Variants in DOK6 observed in about 807,000 individuals in gnomAD.
The protein encoded by DOK6 is downstream of tyrosine kinase 6.
DOK6 carries 22 observed loss-of-function variants against 44.0 expected under a neutral mutation model. That is an observed-to-expected ratio of 0.50 (90% confidence interval 0.36 to 0.71). The LOEUF is 0.71. Ranked by LOEUF, DOK6 falls within the 30% of genes least tolerant of loss-of-function variation. DOK6 has a pLI of 0.00. For synonymous variants in DOK6, 166 were observed against 145.5 expected, an observed-to-expected ratio of 1.14 and a Z score of -1.01; for missense variants, 340 against 416.4, an observed-to-expected ratio of 0.82 and a Z score of 1.60.
intron 7 of DOK6, among the ~76,000 whole-genome samples, chr18:69,823,540 T>A (rs1981637502): frequency 1.3e-5 from 2 of 151,852 alleles, no homozygotes; most frequent in Admixed American, 6.6e-5. Context: ...GAGCAGAGGG[T>A]GTCAGGATGG....
intron 1 of DOK6, among the ~76,000 whole-genome samples, chr18:69,485,182 C>G (rs977247198): frequency 2.6e-5 from 4 of 152,152 alleles, no homozygotes; most frequent in African/African-American, 9.7e-5. Context: ...AACTGTTCAA[C>G]AGATGATGCA....
intron 1 of DOK6, among the ~76,000 whole-genome samples, chr18:69,548,937 CAA>C (rs746865103): frequency 6.6e-6 from 1 of 150,378 alleles, no homozygotes; most frequent in Non-Finnish European, 1.5e-5. Flanking sequence ...ACTAAAAATA[CAA>C]AAAAAATTAG....
chr18:69,673,337 G>A (rs190854062), intron 3 of DOK6, among the ~76,000 whole-genome samples: 22 of 152,212 alleles, frequency 1.4e-4, no homozygotes, highest in African/African-American at 5.3e-4. Context: ...TTTAGTAAAA[G>A]CAATAAAGCT....
intron 3 of DOK6, among the ~76,000 whole-genome samples, chr18:69,634,089 G>A (rs1173114082): frequency 6.6e-6 from 1 of 151,778 alleles, no homozygotes; most frequent in Non-Finnish European, 1.5e-5. Flanking sequence ...GTACAAAATG[G>A]TTTCATATCC....
chr18:69,709,006 A>G (rs549346732), intron 5 of DOK6, among the ~76,000 whole-genome samples: 1 of 152,276 alleles, frequency 6.6e-6, no homozygotes, highest in East Asian at 1.9e-4. Context: ...GAGCTGCAGG[A>G]GAGTGATTGC....
At chr18:69,745,446 T>C (rs539978329) in intron 6 of DOK6, among the ~76,000 whole-genome samples, 20 of 152,320 alleles carry the variant, frequency 1.3e-4, no homozygotes, top group African/African-American at 4.6e-4. Context: ...AGACTATCTT[T>C]TCTTTGGAAC....
rs141741609 is a variant in DOK6 at position 69,823,270 on chromosome 18, G to C, written c.857-17974G>C. 9.2e-5 allele frequency among the ~76,000 whole-genome samples: 14 copies of C among 152,318 alleles called. No individual in the cohort carries two copies. The East Asian group carries it at 2.7e-3, about 29-fold the overall frequency. On this transcript the variant is annotated intron_variant, in intron 7 of 7. Transcript: ENST00000382713. ...AGAGGAGAGACAAAAGCAAGGAGATGAGAGATGAAATAGAGGTATGCAGAG... is the reference window on the plus strand; with the variant it reads ...AGAGGAGAGACAAAAGCAAGGAGATCAGAGATGAAATAGAGGTATGCAGAG...
At chr18:69,533,736 C>A (rs928920810) in intron 1 of DOK6, among the ~76,000 whole-genome samples, 1 of 151,892 alleles carries the variant, frequency 6.6e-6, no homozygotes, top group South Asian at 2.1e-4. Context: ...TTATTTCCTC[C>A]TTGATTTGAA....
chr18:69,668,829 A>G (rs1045623526), intron 3 of DOK6, among the ~76,000 whole-genome samples: 1 of 152,242 alleles, frequency 6.6e-6, no homozygotes, highest in Non-Finnish European at 1.5e-5. Flanking sequence ...TGAACAAAAA[A>G]GGTTAAAACA....
At position 69,792,502 on chromosome 18, in the gene DOK6, T is replaced by C. The variant is rs138012142; in HGVS notation, c.856+34629T>C. Among the ~76,000 whole-genome samples the C allele has an allele frequency of 1.3e-3, 194 of 152,224 alleles. 1 individual carries two copies. Among genetic ancestry groups the C allele is most frequent in the African/African-American group, 4.5e-3 (188 of 41,570 alleles). On this transcript the variant is annotated intron_variant, in intron 7 of 7. Coordinates refer to ENST00000382713, the MANE Select transcript of DOK6 (RefSeq NM_152721.6). ...TTTCAGATTGTTTGCTGCTGACAAA[T>C]AGAAATGCTACTGCTTTTCATATGT...
intron 5 of DOK6, among the ~76,000 whole-genome samples, chr18:69,716,442 C>T (rs923983303): frequency 3.9e-5 from 6 of 152,156 alleles, no homozygotes; most frequent in African/African-American, 1.4e-4. Flanking sequence ...ACGAGTGTTT[C>T]AATTTCCTCT....
intron 1 of DOK6, among the ~76,000 whole-genome samples, chr18:69,514,146 A>AT (rs1327103379): frequency 2.0e-5 from 3 of 152,188 alleles, no homozygotes; most frequent in Middle Eastern, 6.8e-3. Context: ...GTTTGTGTAA[A>AT]TACTTGAAGC....
chr18:69,639,621 C>T (rs1302198284), intron 3 of DOK6, among the ~76,000 whole-genome samples: 1 of 152,062 alleles, frequency 6.6e-6, no homozygotes, highest in Non-Finnish European at 1.5e-5. Context: ...TAATGAATGC[C>T]TTCTGTATTG....
chr18:69,532,060 T>C (rs1002070918), intron 1 of DOK6, among the ~76,000 whole-genome samples: 7 of 152,190 alleles, frequency 4.6e-5, no homozygotes, highest in African/African-American at 1.7e-4. Context: ...AGAAGACATC[T>C]TTCTGCAAGC....
At chr18:69,610,432 CA>C (rs1046176808) in intron 3 of DOK6, among the ~76,000 whole-genome samples, 4 of 152,056 alleles carry the variant, frequency 2.6e-5, no homozygotes, top group African/African-American at 9.6e-5. Context: ...TGTATAACGG[CA>C]AAAAAATTAG....
intron 6 of DOK6, among the ~76,000 whole-genome samples, chr18:69,753,851 G>C (rs941687401): frequency 6.6e-6 from 1 of 151,550 alleles, no homozygotes; most frequent in Non-Finnish European, 1.5e-5. Flanking sequence ...TCCACTGAAA[G>C]AATCAATACA....
At chr18:69,410,427 T>C (rs925314551) in intron 1 of DOK6, among the ~76,000 whole-genome samples, 1 of 152,224 alleles carries the variant, frequency 6.6e-6, no homozygotes, top group Non-Finnish European at 1.5e-5. Context: ...AGAGAAAATA[T>C]GTAACATGCT....
chr18:69,458,411 C>T (rs1430106439), intron 1 of DOK6, among the ~76,000 whole-genome samples: 1 of 152,082 alleles, frequency 6.6e-6, no homozygotes. Context: ...TAATAACAGC[C>T]TTGTATGACA....
intron 3 of DOK6, among the ~76,000 whole-genome samples, chr18:69,635,130 G>A (rs1161289025): frequency 6.6e-5 from 10 of 152,290 alleles, no homozygotes; most frequent in Admixed American, 5.9e-4. Flanking sequence ...CTGCTCCATG[G>A]CTTTCCTGTT....
Sources: gnomAD v4.1 joint callset for allele counts (sites outside exome capture counted in the v4.1 genomes callset) on GRCh38, gnomAD v4.1.1 for gene constraint, MANE v1.5 for transcripts, NCBI Gene and HGNC (gene_info 2026-07-23, HGNC 2026-07-21) for gene names.